Variants in SCAPER observed in about 807,000 individuals in gnomAD.
SCAPER encodes the protein S phase cyclin A-associated protein in the endoplasmic reticulum.
Under a neutral mutation model 182.2 loss-of-function variants are expected in SCAPER, and 98 were observed. The ratio of observed to expected loss-of-function variants is 0.54; its 90% CI spans 0.46 to 0.64. The LOEUF (loss-of-function observed/expected upper bound fraction) is 0.64. Among genes scored for constraint, SCAPER ranks in the 30% least tolerant of loss-of-function variants. The pLI, the probability that SCAPER is intolerant of heterozygous loss-of-function variation, is 0.00. For synonymous variants in SCAPER, 605 were observed against 564.6 expected (o/e 1.07, Z -1.01); for missense variants, 1,432 against 1,690.0 (o/e 0.85, Z 2.68).
At chr15:76,368,994 AAAC>A (rs1237974902) in intron 29 of SCAPER, among the ~76,000 whole-genome samples, 2 of 152,222 alleles carry the variant, frequency 1.3e-5, no homozygotes, top group Non-Finnish European at 2.9e-5. Context: ...CTTTTGATTA[AAAC>A]AACATTTTAA....
chr15:76,615,708 T>TG (rs1270169854), intron 22 of SCAPER, among the ~76,000 whole-genome samples: 3 of 150,584 alleles, frequency 2.0e-5, no homozygotes, highest in African/African-American at 7.4e-5. Context: ...TAATCCCAGC[T>TG]ACTCGAGAGG....
intron 23 of SCAPER, among the ~76,000 whole-genome samples, chr15:76,569,287 G>A (rs1405448386): frequency 1.3e-5 from 2 of 151,902 alleles, no homozygotes; most frequent in African/African-American, 2.4e-5. Context: ...AAACGCTTTC[G>A]TTGTGTCTTT....
chr15:76,826,569 TA>T (rs35678906), intron 5 of SCAPER, among the ~76,000 whole-genome samples: 11,209 of 143,856 alleles, frequency 0.078, 1,019 homozygotes, highest in African/African-American at 0.23. Flanking sequence ...TAATAATAAT[TA>T]AAAAAAAAAA....
intron 5 of SCAPER, among the ~76,000 whole-genome samples, chr15:76,821,392 AGAAAT>A (rs2067527470): frequency 6.6e-6 from 1 of 151,906 alleles, no homozygotes; most frequent in African/African-American, 2.4e-5. Flanking sequence ...GCCAGGGCCG[AGAAAT>A]CACTTGAGCG....
chr15:76,562,614 G>C (rs2046728563), intron 23 of SCAPER, among the ~76,000 whole-genome samples: 1 of 152,158 alleles, frequency 6.6e-6, no homozygotes, highest in Non-Finnish European at 1.5e-5. Flanking sequence ...CAAAATGTCT[G>C]ATAATAACAA....
chr15:76,852,760 C>T (rs1413773709), intron 4 of SCAPER, among the ~76,000 whole-genome samples: 3 of 152,236 alleles, frequency 2.0e-5, no homozygotes, highest in Admixed American at 6.5e-5. Context: ...AATTAACAAT[C>T]TAACATCACA....
At chr15:76,671,586 G>A (rs150370435) in intron 20 of SCAPER, among the ~76,000 whole-genome samples, 73 of 152,096 alleles carry the variant, frequency 4.8e-4, no homozygotes, top group African/African-American at 1.6e-3. Context: ...TGGCTAACAC[G>A]GTGAAACGCC....
intron 20 of SCAPER, among the ~76,000 whole-genome samples, chr15:76,697,802 G>T (rs1014348156): frequency 1.3e-5 from 2 of 152,016 alleles, no homozygotes; most frequent in African/African-American, 4.8e-5. Context: ...ACCATGCCCA[G>T]CTAATTTTTG....
At position 76,604,504 on chromosome 15, in the gene SCAPER, T is replaced by C. The variant is rs1194633290; in HGVS notation, c.2711+17260A>G. 1.7e-5 allele frequency among the ~76,000 whole-genome samples: 2 copies of C among 120,854 alleles called. 1 individual carries two copies. The highest frequency in any genetic ancestry group is 4.0e-5 in the Non-Finnish European group (2 of 49,900). The allele number at this position is 120,854 out of a possible 152,430, so 79.3% of individuals were successfully genotyped here. A position where few individuals can be genotyped will look rare whatever the true frequency, so the allele number is the denominator to read the frequency against. On this transcript the variant is annotated intron_variant, in intron 22 of 31. Transcript: ENST00000563290. Reference sequence around the variant, plus strand: ...TTTTGCCTTAGGATTGACTTGGCGATGCGGGCTCTTTTTTGGTTCCATATG... The same window carrying C: ...TTTTGCCTTAGGATTGACTTGGCGACGCGGGCTCTTTTTTGGTTCCATATG...
At chr15:76,753,603 G>C (rs780816491) in intron 15 of SCAPER, among the ~76,000 whole-genome samples, 2 of 151,790 alleles carry the variant, frequency 1.3e-5, no homozygotes, top group Non-Finnish European at 2.9e-5. Context: ...TACCTTTACA[G>C]GGTTGTAAAA....
At position 76,795,435 on chromosome 15, in the gene SCAPER, G is replaced by A; in HGVS notation, c.617C>T (p.Ser206Leu). Residue 206 changes from serine (S) to leucine (L), a missense_variant, in exon 8 of 32, where the codon TCA (serine) becomes TTA (leucine). By Grantham distance (145) the Ser-to-Leu change is moderately radical. This residue lies in a region of SCAPER where 480 missense variants were observed against 510.2 expected (regional missense o/e 0.94). Transcript: ENST00000563290. Reference protein sequence around the residue: ...NARRSLNFGGSTGTVPAPRLA... With the variant: ...NARRSLNFGGLTGTVPAPRLA... ...ACGAGGAGCTGGCACTGTGCCAGTT[G>A]AACCTCTATGGAGAAAAATAAACAC... The A allele has an allele frequency of 6.3e-7, 1 of 1,582,130 alleles. No individual in the cohort carries two copies. Among genetic ancestry groups the A allele is most frequent in the Non-Finnish European group, 8.6e-7 (1 of 1,166,144 alleles).
rs1239033980 is a variant in SCAPER at position 76,589,725 on chromosome 15, G to C, written c.2712-15441C>G. Among the ~76,000 whole-genome samples the C allele has an allele frequency of 2.0e-5, 3 of 152,162 alleles. No homozygotes were observed. In the East Asian group the frequency reaches 5.8e-4, roughly 29 times the overall value. On this transcript the variant is annotated intron_variant, in intron 22 of 31. Transcript: ENST00000563290. ...GGAGACTTCGCGTTTGGTTGGAATT[G>C]TTACAAAGTTCTGCTGGAGGTTTCC...
intron 29 of SCAPER, among the ~76,000 whole-genome samples, chr15:76,365,167 C>A (rs1739149684): frequency 6.6e-6 from 1 of 152,166 alleles, no homozygotes; most frequent in African/African-American, 2.4e-5. Context: ...GAAGGCACTG[C>A]CCCTGGCTGT....
At chr15:76,393,195 G>A (rs942358918) in intron 27 of SCAPER, among the ~76,000 whole-genome samples, 1 of 152,200 alleles carries the variant, frequency 6.6e-6, no homozygotes, top group Admixed American at 6.5e-5. Flanking sequence ...CCATTCTCTA[G>A]ATCTGAAGGA....
intron 21 of SCAPER, among the ~76,000 whole-genome samples, chr15:76,652,396 A>ATATATATATATG (rs2055220386): frequency 1.1e-5 from 1 of 94,484 alleles, no homozygotes; most frequent in Non-Finnish European, 2.1e-5. Flanking sequence ...ATATATATAT[A>ATATATATATATG]TATATAGCAC....
intron 14 of SCAPER, among the ~76,000 whole-genome samples, chr15:76,754,458 A>G (rs2062289662): frequency 6.6e-6 from 1 of 152,086 alleles, no homozygotes; most frequent in Admixed American, 6.5e-5. Flanking sequence ...CATTATTTGC[A>G]TAAGAAACAT....
intron 1 of SCAPER, among the ~76,000 whole-genome samples, chr15:76,895,502 G>A (rs557885179): frequency 0.023 from 593 of 25,792 alleles, 3 homozygotes; most frequent in South Asian, 0.072. Context: ...TTTTTTTCTT[G>A]ACTAAGAAAA....
intron 25 of SCAPER, among the ~76,000 whole-genome samples, chr15:76,436,931 A>C (rs2047238149): frequency 6.6e-6 from 1 of 152,204 alleles, no homozygotes; most frequent in Non-Finnish European, 1.5e-5. Context: ...ATGAAATCAT[A>C]TATCCTCCGC....
At chr15:76,768,248 C>G (rs1429853906) in intron 10 of SCAPER, among the ~76,000 whole-genome samples, 1 of 152,038 alleles carries the variant, frequency 6.6e-6, no homozygotes, top group Admixed American at 6.5e-5. Flanking sequence ...AACTGTTATG[C>G]AAATACTTAA....
Sources: gnomAD v4.1 joint callset for allele counts (sites outside exome capture counted in the v4.1 genomes callset) on GRCh38, gnomAD v4.1.1 for gene constraint, gnomAD v4.1.1 regional missense constraint, MANE v1.5 for transcripts, NCBI Gene and HGNC (gene_info 2026-07-23, HGNC 2026-07-21) for gene names.